LMTK3: variants seen among roughly 807,000 people sequenced by gnomAD.
The protein encoded by LMTK3 is lemur tail kinase 3.
Under a neutral mutation model 116.7 loss-of-function variants are expected in LMTK3, and 27 were observed. The observed-to-expected ratio is 0.23, with a 90% CI of 0.17 to 0.32. The LOEUF is 0.32. Among genes scored for constraint, LMTK3 ranks in the 10% least tolerant of loss-of-function variants. The pLI is 1.00. For missense variants in LMTK3, 1,764 were observed against 2,068.5 expected (o/e 0.85, Z 2.86); for synonymous variants, 965 against 971.0 (o/e 0.99, Z 0.11).
Position 48,509,420 on chromosome 19 carries a change from C to A in LMTK3, c.438+17G>T. The A allele has an allele frequency of 6.4e-7, 1 of 1,551,260 alleles. No homozygotes were observed. Among genetic ancestry groups the A allele is most frequent in the South Asian group, 1.2e-5 (1 of 84,030 alleles). ...CGGGATCCATGGAGCCCTGCCTCCC[C>A]TCCCCAGCCCACTCACCTTCCCAAA... On this transcript the variant is annotated intron_variant, in intron 4 of 14. Transcript: ENST00000600059.
chr19:48,511,620 A>AGGTGGGGGGGGGGGGGGGGGGG lies in LMTK3; in HGVS notation c.-45_-44insCCCCCCCCCCCCCCCCCCCACC. On this transcript the variant is annotated 5_prime_UTR_variant, in exon 1 of 15. Transcript: ENST00000600059. The stretch of plus-strand genomic sequence containing the variant: ...GAGGTGGAGGTGGTGGCGGCTGGGG[A>AGGTGGGGGGGGGGGGGGGGGGG]GGAGGGGGGGGCGGGCCCTCAGCCC... 1 of 118,208 alleles carries AGGTGGGGGGGGGGGGGGGGGGG rather than the reference A, an allele frequency of 8.5e-6. No individual in the cohort carries two copies. The highest frequency in any genetic ancestry group is 1.5e-5 in the Non-Finnish European group (1 of 66,514). 7.3% of individuals were successfully genotyped at this position (118,208 alleles called of 1,614,324 possible).
rs890541385 is a variant in LMTK3, at chr19:48,511,581, T to C, written c.-5A>G. The C allele has an allele frequency of 1.5e-5, 19 of 1,292,218 alleles. No individual in the cohort carries two copies. Among genetic ancestry groups the C allele is most frequent in the Non-Finnish European group, 1.8e-5 (18 of 996,040 alleles). 80.0% of individuals were successfully genotyped at this position (1,292,218 alleles called of 1,614,324 possible). ...GAGGGCGCCGGGGGCAGGCATCTTG[T>C]CGAGGATGGCAGGGAGGTGGAGGTG... On this transcript the variant is annotated 5_prime_UTR_variant, in exon 1 of 15. Transcript: ENST00000600059.
Position 48,497,366 on chromosome 19 carries a change from C to A in LMTK3, c.3676+27G>T, listed in dbSNP as rs767649965. On this transcript the variant is annotated intron_variant, in intron 11 of 14. Transcript: ENST00000600059. This position sits in a 1 kb window ranked among gnomAD's most constrained non-coding sequence, Gnocchi z 5.7. ...GCCTCGGAAACAGCCGGACCTCAGC[C>A]CTGACTGTGCCCCGCAGCCTCCTCA... is the stretch of plus-strand genomic sequence containing the variant. 6.9e-7 allele frequency: 1 copy of A among 1,450,060 alleles called. No homozygotes were observed. The highest frequency in any genetic ancestry group is 9.1e-7 in the Non-Finnish European group (1 of 1,099,300). The allele number at this position is 1,450,060 out of a possible 1,614,324, so 89.8% of individuals were successfully genotyped here.
intron 1 of LMTK3, among the ~76,000 whole-genome samples, chr19:48,511,018 C>A (rs1266970256): frequency 6.6e-6 from 1 of 152,184 alleles, no homozygotes; most frequent in Non-Finnish European, 1.5e-5. Context: ...TTGCCCCATG[C>A]TGGAACCCCC....
chr19:48,509,537 C>A, intron 3 of LMTK3, 24 bp from the exon 4 acceptor site: 1 of 1,532,452 alleles, frequency 6.5e-7, no homozygotes. Flanking sequence ...GAGGGGAAAG[C>A]CCCTGAGTCT....
chr19:48,500,000 G>C, intron 10 of LMTK3, 83 bp from the exon 11 acceptor site: 3 of 1,340,216 alleles, frequency 2.2e-6, no homozygotes, highest in South Asian at 2.9e-5. Flanking sequence ...CAACCAGAGA[G>C]AGGGGGACAG....
chr19:48,499,292 G>A lies in LMTK3; in HGVS notation c.1777C>T (p.Arg593Trp). 2 of 1,413,760 alleles carry A rather than the reference G, an allele frequency of 1.4e-6. No homozygotes were observed. The highest frequency in any genetic ancestry group is 1.8e-6 in the Non-Finnish European group (2 of 1,083,262). 87.6% of individuals were successfully genotyped at this position (1,413,760 alleles called of 1,614,324 possible). A position where few individuals can be genotyped will look rare whatever the true frequency, so the allele number is the denominator to read the frequency against. ...TWASPLFPAPRPFPAQSSASG... is the reference protein window; with the variant it reads ...TWASPLFPAPWPFPAQSSASG... ...GCTGAGGACTGGGCTGGGAAGGGCCGGGGCGCAGGGAAGAGGGGGGAGGCC... is the reference window on the plus strand; with the variant it reads ...GCTGAGGACTGGGCTGGGAAGGGCCAGGGCGCAGGGAAGAGGGGGGAGGCC... Residue 593 changes from arginine (R) to tryptophan (W), a missense_variant, in exon 11 of 15, where the codon CGG (arginine) becomes TGG (tryptophan). Coordinates refer to ENST00000600059, the MANE Select transcript of LMTK3 (RefSeq NM_001388485.1).
At position 48,485,835 on chromosome 19, in the gene LMTK3, C is replaced by T. The variant is rs753388474; in HGVS notation, c.4367-46G>A. The T allele has an allele frequency of 1.6e-5, 26 of 1,581,930 alleles. No homozygotes were observed. The South Asian group carries it at 2.5e-4, about 15-fold the overall frequency. ...CAGAGAAATGAAATTACTAGGGGGA[C>T]AGCCTCATGGCTTCTAGGTCACTCA... On this transcript the variant is annotated intron_variant, in intron 14 of 14. Coordinates refer to ENST00000600059, the MANE Select transcript of LMTK3 (RefSeq NM_001388485.1).
chr19:48,498,634 G>A lies in LMTK3; in HGVS notation c.2435C>T (p.Ala812Val). 1.9e-6 allele frequency: 3 copies of A among 1,540,694 alleles called. No homozygotes were observed. Among genetic ancestry groups the A allele is most frequent in the East Asian group, 2.5e-5 (1 of 40,618 alleles). Residue 812 changes from alanine to valine, a missense_variant, in exon 11 of 15, where the codon GCG becomes GTG. Transcript: ENST00000600059. Reference protein sequence around the residue: ...SPEGAFPGGGAAEEEGVPRPR... With the variant: ...SPEGAFPGGGVAEEEGVPRPR... Reference sequence around the variant, plus strand: ...CCGAGGGACCCCTTCCTCCTCGGCCGCCCCCCCACCTGGGAAGGCTCCCTC... The same window carrying A: ...CCGAGGGACCCCTTCCTCCTCGGCCACCCCCCCACCTGGGAAGGCTCCCTC...
intron 12 of LMTK3, 40 bp downstream of exon 12, chr19:48,493,654 A>C (rs1371728611): frequency 6.7e-7 from 1 of 1,503,408 alleles, no homozygotes; most frequent in South Asian, 1.2e-5. Flanking sequence ...TGCTCCCTCC[A>C]GGCCGCGACC....
intron 11 of LMTK3, among the ~76,000 whole-genome samples, chr19:48,495,460 T>C (rs1349624637): frequency 6.6e-6 from 1 of 152,138 alleles, no homozygotes; most frequent in Non-Finnish European, 1.5e-5. Flanking sequence ...CTCTGCCTCT[T>C]TTCACCCCCC....
At chr19:48,506,257 GA>G (rs768345320) in intron 5 of LMTK3, among the ~76,000 whole-genome samples, 3,520 of 135,030 alleles carry the variant, frequency 0.026, 137 homozygotes, top group African/African-American at 0.083. Flanking sequence ...AGTGAGCCTT[GA>G]AAAAAAAAAA....
Position 48,499,547 on chromosome 19 carries a change from C to A in LMTK3, c.1522G>T (p.Ala508Ser). The A allele has an allele frequency of 1.9e-6, 1 of 532,604 alleles. No individual in the cohort carries two copies. Among genetic ancestry groups the A allele is most frequent in the South Asian group, 1.7e-5 (1 of 60,242 alleles). The allele number at this position is 532,604 out of a possible 1,614,324, so 33.0% of individuals were successfully genotyped here. A position where few individuals can be genotyped will look rare whatever the true frequency, so the allele number is the denominator to read the frequency against. ...QPASAPPAPH[A>S]NPSNPFYEAL... ...TCGTAGAAAGGGTTGGAGGGGTTGG[C>A]GTGGGGGGCCGGGGGGGCCGACGCC... The change falls in exon 11 of 15, where the codon GCC becomes TCC. Residue 508 changes from alanine (A) to serine (S), a missense_variant. Physicochemically the swap from Ala to Ser is moderately conservative, Grantham distance 99. Coordinates refer to ENST00000600059, the MANE Select transcript of LMTK3 (RefSeq NM_001388485.1).
At chr19:48,485,854 T>C in intron 14 of LMTK3, 65 bp from the exon 15 acceptor site, 1 of 1,522,454 alleles carries the variant, frequency 6.6e-7, no homozygotes. Flanking sequence ...GGCTTCTAGG[T>C]CACTCAGCGG....
Position 48,491,020 on chromosome 19 carries a change from A to G in LMTK3, c.4366+88T>C. The G allele has an allele frequency of 1.2e-6, 1 of 813,244 alleles. No individual in the cohort carries two copies. 50.4% of individuals were successfully genotyped at this position (813,244 alleles called of 1,614,324 possible). Reference sequence around the variant, plus strand: ...AGAGACTGGGAAGAGAGAGGCAGGGACATTGAAAGATGGTCACAAGAAGTT... The same window carrying G: ...AGAGACTGGGAAGAGAGAGGCAGGGGCATTGAAAGATGGTCACAAGAAGTT... On this transcript the variant is annotated intron_variant, in intron 14 of 14. Coordinates refer to ENST00000600059, the MANE Select transcript of LMTK3 (RefSeq NM_001388485.1). The surrounding 1 kb of genome is among the most constrained non-coding windows in gnomAD (Gnocchi z 5.1).
At chr19:48,499,979 G>C in intron 10 of LMTK3, 62 bp from the exon 11 acceptor site, 2 of 1,470,920 alleles carry the variant, frequency 1.4e-6, no homozygotes, top group South Asian at 2.7e-5. Context: ...GAGACCCAGG[G>C]AGGGGACAGA....
intron 5 of LMTK3, among the ~76,000 whole-genome samples, chr19:48,503,586 T>G (rs762920981): frequency 2.6e-5 from 4 of 152,058 alleles, no homozygotes; most frequent in Non-Finnish European, 4.4e-5. Flanking sequence ...CCAGCCTCCC[T>G]GGCTCTAGTC....
chr19:48,502,641 C>G, intron 6 of LMTK3, 60 bp from the exon 7 acceptor site: 1 of 1,501,296 alleles, frequency 6.7e-7, no homozygotes, highest in Non-Finnish European at 8.9e-7. Context: ...GCTAGTCGGC[C>G]CGGAGGCTGG....
At position 48,493,885 on chromosome 19, in the gene LMTK3, GCGGCCCCGCCGCCGCGCC is replaced by G; in HGVS notation, c.3883_3900del (p.Gly1295_Pro1300del). 1.8e-6 allele frequency: 2 copies of G among 1,095,938 alleles called. No individual in the cohort carries two copies. Among genetic ancestry groups the G allele is most frequent in the Non-Finnish European group, 2.2e-6 (2 of 903,502 alleles). The allele number at this position is 1,095,938 out of a possible 1,614,324, so 67.9% of individuals were successfully genotyped here. ...GCTGCTCGCGCCCTCCCGGGGCCCC[GCGGCCCCGCCGCCGCGCC>G]CGGCGCCGCCGCCTCCTCGTCCTCC... is the stretch of plus-strand genomic sequence containing the variant. On this transcript the variant is annotated inframe_deletion, in exon 12 of 15. Transcript: ENST00000600059.
Sources: allele counts gnomAD v4.1 joint callset (sites outside exome capture counted in the v4.1 genomes callset), GRCh38; gene constraint gnomAD v4.1.1; non-coding constraint Gnocchi (gnomAD v3.1); transcripts MANE v1.5; gene names NCBI Gene and HGNC (gene_info 2026-07-23, HGNC 2026-07-21).